Variants in HELLS observed in about 807,000 individuals in gnomAD.
HELLS encodes the protein helicase, lymphoid specific.
A neutral mutation model predicts 120.0 loss-of-function variants in HELLS; 32 were observed. The ratio of observed to expected loss-of-function variants is 0.27; its 90% CI spans 0.20 to 0.36. HELLS has a LOEUF of 0.36. HELLS is among the 10% of genes least tolerant of loss of function. The pLI is 1.00. For missense variants in HELLS, 650 were observed against 993.4 expected, an observed-to-expected ratio of 0.65 and a Z score of 4.65; for synonymous variants, 341 against 323.4, an observed-to-expected ratio of 1.05 and a Z score of -0.58.
chr10:94,557,658 C>G (rs184662502), intron 3 of HELLS, among the ~76,000 whole-genome samples: 1 of 152,214 alleles, frequency 6.6e-6, no homozygotes, highest in Non-Finnish European at 1.5e-5. Context: ...CATGCACTTA[C>G]CAGTACTCAG....
At chr10:94,557,203 G>A (rs994278568) in intron 3 of HELLS, 28 of 419,102 alleles carry the variant, frequency 6.7e-5, no homozygotes, top group Non-Finnish European at 1.2e-4. Flanking sequence ...TTAAAAACTT[G>A]TGCAAATTGA....
At chr10:94,553,280 A>AC (rs1843073875) in intron 2 of HELLS, among the ~76,000 whole-genome samples, 1 of 148,752 alleles carries the variant, frequency 6.7e-6, no homozygotes, top group African/African-American at 2.5e-5. Context: ...ACGGAGTCTC[A>AC]CTCTGTCACC....
chr10:94,552,040 C>T (rs919010932), intron 2 of HELLS, among the ~76,000 whole-genome samples: 1 of 152,158 alleles, frequency 6.6e-6, no homozygotes, highest in Non-Finnish European at 1.5e-5. Flanking sequence ...CGCCCAGCCT[C>T]ATATCCCCCA....
At chr10:94,552,546 T>C (rs1234942462) in intron 2 of HELLS, among the ~76,000 whole-genome samples, 3 of 152,242 alleles carry the variant, frequency 2.0e-5, no homozygotes, top group Non-Finnish European at 4.4e-5. Context: ...TTAATACTTG[T>C]TGTTTTCAGA....
At position 94,582,173 on chromosome 10, in the gene HELLS, T is replaced by C. The variant is rs549319226; in HGVS notation, c.1229+651T>C. On this transcript the variant is annotated intron_variant, in intron 11 of 21. Coordinates refer to ENST00000348459, the MANE Select transcript of HELLS (RefSeq NM_018063.5). ...GGCATCAGTGAAGGAAGTAAGCTAA[T>C]TGGGTGTGGAAAAATAATTTTAAAT... Among the ~76,000 whole-genome samples, 294 of 152,296 alleles carry C rather than the reference T, an allele frequency of 1.9e-3. 1 individual carries two copies. In the South Asian group the frequency reaches 0.029, roughly 15 times the overall value.
At chr10:94,582,360 C>A (rs1167184968) in intron 11 of HELLS, among the ~76,000 whole-genome samples, 6 of 152,100 alleles carry the variant, frequency 3.9e-5, no homozygotes, top group Non-Finnish European at 8.8e-5. Flanking sequence ...GTTTTTTGAA[C>A]ATGCTTCTGG....
intron 21 of HELLS, 46 bp downstream of exon 21, chr10:94,597,157 T>A: frequency 9.5e-7 from 1 of 1,048,168 alleles, no homozygotes; most frequent in Non-Finnish European, 1.5e-6. Context: ...AACATACACT[T>A]AATTAGCATA....
In HELLS at chr10:94,545,905, C is replaced by T; in HGVS notation, c.-17C>T. On this transcript the variant is annotated 5_prime_UTR_variant, in exon 1 of 22. Coordinates refer to ENST00000348459, the MANE Select transcript of HELLS (RefSeq NM_018063.5). The stretch of plus-strand genomic sequence containing the variant: ...CTCTGAGAGGAGGGGACCCGGTTCC[C>T]GGGTGAGTGTCCAGGCATGCCAGCG... The T allele has an allele frequency of 6.4e-7, 1 of 1,553,624 alleles. No individual in the cohort carries two copies.
chr10:94,579,137 A>G (rs1218939364), intron 10 of HELLS, among the ~76,000 whole-genome samples: 1 of 151,994 alleles, frequency 6.6e-6, no homozygotes, highest in Non-Finnish European at 1.5e-5. Flanking sequence ...AATTTTTTTT[A>G]AAGGGTAGTG....
chr10:94,577,045 C>T, intron 10 of HELLS: 1 of 588,840 alleles, frequency 1.7e-6, no homozygotes, highest in Non-Finnish European at 3.1e-6. Context: ...GGCTTAGAAT[C>T]ATCCAGAAAT....
At chr10:94,567,756 G>A (rs915209724) in intron 6 of HELLS, among the ~76,000 whole-genome samples, 1 of 152,002 alleles carries the variant, frequency 6.6e-6, no homozygotes, top group Admixed American at 6.6e-5. Context: ...AAGAAATACA[G>A]AAATAGCCAG....
chr10:94,593,653 T>C (rs375077755), intron 18 of HELLS, 38 bp downstream of exon 18: 21 of 1,280,004 alleles, frequency 1.6e-5, no homozygotes, highest in Non-Finnish European at 2.4e-5. Context: ...GCTGATTATA[T>C]TTCCATTTTG....
Position 94,545,939 on chromosome 10 carries a change from C to T in HELLS, c.18C>T (p.Pro6=), listed in dbSNP as rs1232207299. The part of the protein sequence containing the change: MPAER[P]AGSGGSEAPA... The stretch of plus-strand genomic sequence containing the variant: ...GTCCAGGCATGCCAGCGGAACGGCC[C>T]GCGGGCAGCGGCGGTGAGTGAGGAA... The change falls in exon 1 of 22, where the codon CCC becomes CCT. Residue 6 remains proline, a synonymous_variant. Coordinates refer to ENST00000348459, the MANE Select transcript of HELLS (RefSeq NM_018063.5). 9 of 1,556,338 alleles carry T rather than the reference C, an allele frequency of 5.8e-6. No individual in the cohort carries two copies. Among genetic ancestry groups the T allele is most frequent in the Admixed American group, 3.9e-5 (2 of 51,406 alleles).
chr10:94,554,065 C>T, intron 2 of HELLS, 61 bp from the exon 3 acceptor site: 1 of 1,389,976 alleles, frequency 7.2e-7, no homozygotes, highest in Non-Finnish European at 9.6e-7. Flanking sequence ...AAACTTTATG[C>T]CAAAAAAATT....
At chr10:94,605,759 T>G (rs1317403383), downstream of HELLS, among the ~76,000 whole-genome samples, 1 of 151,544 alleles carries the variant, frequency 6.6e-6, no homozygotes. Flanking sequence ...AGCCACCAAT[T>G]TAGTTTGGAC....
chr10:94,601,591 C>T lies in HELLS; in HGVS notation c.2486C>T (p.Ser829Phe). 6.3e-7 allele frequency: 1 copy of T among 1,583,450 alleles called. No individual in the cohort carries two copies. The change falls in exon 22 of 22, where the codon TCT becomes TTT. Residue 829 changes from serine (S) to phenylalanine (F), a missense_variant. Ser to Phe is a radical substitution (Grantham distance 155). Transcript: ENST00000348459. ...GGGATATTCAAGATATTAGAAAATT[C>T]TGAAGATTCCAGTCCTGAATGTTTG... ...KMGIFKILENSEDSSPECLF is the reference protein window; with the variant it reads ...KMGIFKILENFEDSSPECLF
chr10:94,565,946 C>T (rs1321878670), intron 6 of HELLS, among the ~76,000 whole-genome samples: 1 of 151,694 alleles, frequency 6.6e-6, no homozygotes, highest in Non-Finnish European at 1.5e-5. Flanking sequence ...GGCTCGAATG[C>T]AGCTGGCACA....
At chr10:94,611,385 A>G (rs1439872048) in exon 10 of HELLS, 1 of 152,142 alleles carries the variant, frequency 6.6e-6, no homozygotes, top group Non-Finnish European at 1.5e-5. Flanking sequence ...ATGTTCAATA[A>G]CTCAAAGAGA....
chr10:94,595,995 AT>A (rs1015289310), intron 19 of HELLS, among the ~76,000 whole-genome samples: 12 of 151,598 alleles, frequency 7.9e-5, no homozygotes, highest in African/African-American at 1.9e-4. Context: ...AAAAAGCATA[AT>A]TTTTTTTTAA....
Sources: allele counts gnomAD v4.1 joint callset (sites outside exome capture counted in the v4.1 genomes callset), GRCh38; gene constraint gnomAD v4.1.1; transcripts MANE v1.5; gene names NCBI Gene and HGNC (gene_info 2026-07-23, HGNC 2026-07-21).